The following UBE2E2 variants were observed in gnomAD, a reference collection of about 807,000 sequenced individuals.
UBE2E2 encodes ubiquitin conjugating enzyme E2 E2, also known as ubiquitin-conjugating enzyme E2 E2.
A neutral mutation model predicts 24.7 loss-of-function variants in UBE2E2; 6 were observed. The ratio of observed to expected loss-of-function variants is 0.24; its 90% CI spans 0.13 to 0.48. UBE2E2 has a LOEUF of 0.48. Among genes scored for constraint, UBE2E2 ranks in the 20% least tolerant of loss-of-function variants. The probability of loss-of-function intolerance (pLI) is 0.99; values close to 1 mark genes in which losing one functional copy is unlikely to be tolerated. For synonymous variants in UBE2E2, 104 were observed against 83.6 expected, an observed-to-expected ratio of 1.24 and a Z score of -1.33; for missense variants, 169 against 245.0, an observed-to-expected ratio of 0.69 and a Z score of 2.07.
chr3:23,559,810 A>G (rs1186671684), intron 5 of UBE2E2, among the ~76,000 whole-genome samples: 1 of 152,192 alleles, frequency 6.6e-6, no homozygotes, highest in Non-Finnish European at 1.5e-5. Context: ...TTATCTTTAT[A>G]GGAATGGTTC....
intron 3 of UBE2E2, among the ~76,000 whole-genome samples, chr3:23,384,316 G>A (rs558479245): frequency 5.9e-5 from 9 of 151,524 alleles, no homozygotes; most frequent in Admixed American, 2.0e-4. Flanking sequence ...GGCATGTTCT[G>A]CCACACCCAG....
intron 3 of UBE2E2, among the ~76,000 whole-genome samples, chr3:23,413,663 C>G (rs900529470): frequency 6.6e-6 from 1 of 152,140 alleles, no homozygotes. Context: ...TTTCCCTTAC[C>G]TTCTCTGTGT....
At chr3:23,550,287 C>G (rs1373719178) in intron 5 of UBE2E2, among the ~76,000 whole-genome samples, 1 of 152,072 alleles carries the variant, frequency 6.6e-6, no homozygotes, top group Non-Finnish European at 1.5e-5. Context: ...TCTTTATTCC[C>G]AGCACCTATA....
intron 3 of UBE2E2, among the ~76,000 whole-genome samples, chr3:23,256,073 C>T (rs1457613428): frequency 1.3e-5 from 2 of 152,214 alleles, no homozygotes; most frequent in Non-Finnish European, 2.9e-5. Context: ...ACTGTGCTGC[C>T]TATCATAGAC....
intron 3 of UBE2E2, among the ~76,000 whole-genome samples, chr3:23,464,422 A>T (rs1698880207): frequency 2.6e-5 from 4 of 152,158 alleles, no homozygotes; most frequent in Admixed American, 2.6e-4. Flanking sequence ...AACCATTGAC[A>T]TAATTTTTTA....
At chr3:23,505,480 A>G (rs1694424583) in intron 4 of UBE2E2, among the ~76,000 whole-genome samples, 1 of 152,312 alleles carries the variant, frequency 6.6e-6, no homozygotes, top group Middle Eastern at 3.4e-3. Context: ...TGCTGTGTCC[A>G]TGTTCCTGGG....
At chr3:23,356,081 C>G (rs1695941182) in intron 3 of UBE2E2, among the ~76,000 whole-genome samples, 1 of 152,156 alleles carries the variant, frequency 6.6e-6, no homozygotes, top group South Asian at 2.1e-4. Flanking sequence ...GAAGAGGATG[C>G]ACTGAGTAGC....
chr3:23,306,760 T>C (rs1699247223), intron 3 of UBE2E2, among the ~76,000 whole-genome samples: 1 of 152,176 alleles, frequency 6.6e-6, no homozygotes, highest in South Asian at 2.1e-4. Context: ...AGAACCACCA[T>C]TGAACCATGG....
At chr3:23,283,849 C>T (rs1269577635) in intron 3 of UBE2E2, among the ~76,000 whole-genome samples, 6 of 132,922 alleles carry the variant, frequency 4.5e-5, no homozygotes, top group Admixed American at 4.2e-4. Flanking sequence ...ATTTCACACC[C>T]ACTGACAAAG....
intron 3 of UBE2E2, among the ~76,000 whole-genome samples, chr3:23,486,538 G>A (rs141766261): frequency 6.0e-4 from 91 of 152,288 alleles, no homozygotes; most frequent in African/African-American, 2.0e-3. Flanking sequence ...CAGTCCCACC[G>A]TCCTGCTCCG....
intron 5 of UBE2E2, among the ~76,000 whole-genome samples, chr3:23,555,437 G>A (rs1174961395): frequency 6.6e-6 from 1 of 152,098 alleles, no homozygotes; most frequent in African/African-American, 2.4e-5. Context: ...AACATAGATT[G>A]GTACAGCCCT....
At chr3:23,382,159 C>A (rs1356442687) in intron 3 of UBE2E2, among the ~76,000 whole-genome samples, 3 of 148,164 alleles carry the variant, frequency 2.0e-5, no homozygotes, top group Non-Finnish European at 4.5e-5. Context: ...CACTACTCTT[C>A]ATAATTACGA....
At chr3:23,361,098 C>T (rs187096509) in intron 3 of UBE2E2, among the ~76,000 whole-genome samples, 5 of 152,230 alleles carry the variant, frequency 3.3e-5, no homozygotes, top group East Asian at 1.9e-4. Context: ...CACTGATTAT[C>T]GGGAAAACGC....
chr3:23,591,882 A>G (rs1696772509), downstream of UBE2E2: 1 of 152,244 alleles, frequency 6.6e-6, no homozygotes. Context: ...AAAATTCAGC[A>G]CTAAAGGCAT....
intron 3 of UBE2E2, among the ~76,000 whole-genome samples, chr3:23,452,691 A>G (rs1054326576): frequency 6.6e-6 from 1 of 152,202 alleles, no homozygotes; most frequent in African/African-American, 2.4e-5. Context: ...GATGAGAACA[A>G]CTTTATCCCT....
intron 3 of UBE2E2, among the ~76,000 whole-genome samples, chr3:23,324,124 T>G (rs1244575810): frequency 6.6e-6 from 1 of 152,138 alleles, no homozygotes; most frequent in Non-Finnish European, 1.5e-5. Flanking sequence ...TGTCTGCTGG[T>G]TTTTGCTGCA....
At chr3:23,353,808 T>C (rs1039401849) in intron 3 of UBE2E2, among the ~76,000 whole-genome samples, 4 of 139,488 alleles carry the variant, frequency 2.9e-5, no homozygotes, top group African/African-American at 1.1e-4. Flanking sequence ...ATGGCCATAC[T>C]GTCCAAGGTA....
At chr3:23,510,834 C>T (rs956136822) in intron 4 of UBE2E2, among the ~76,000 whole-genome samples, 13 of 152,078 alleles carry the variant, frequency 8.5e-5, no homozygotes, top group Non-Finnish European at 1.3e-4. Flanking sequence ...CTACTACTTT[C>T]CAGGCCCTTG....
chr3:23,499,564 T>A (rs1559403673), intron 3 of UBE2E2, 44 bp from the exon 4 acceptor site: 1 of 1,577,966 alleles, frequency 6.3e-7, no homozygotes, highest in Non-Finnish European at 8.6e-7. Context: ...ATTCCAGCCT[T>A]TATGTAATTT....
Sources: allele counts gnomAD v4.1 joint callset (sites outside exome capture counted in the v4.1 genomes callset), GRCh38; gene constraint gnomAD v4.1.1; transcripts MANE v1.5; gene names NCBI Gene and HGNC (gene_info 2026-07-23, HGNC 2026-07-21).